The following NECTIN3 variants were observed in gnomAD, a reference collection of about 807,000 sequenced individuals.
The protein encoded by NECTIN3 is nectin-3.
NECTIN3 carries 8 observed loss-of-function variants against 49.4 expected under a neutral mutation model. The observed-to-expected ratio is 0.16, with a 90% CI of 0.10 to 0.29. NECTIN3 has a LOEUF of 0.29. Ranked by LOEUF, NECTIN3 falls within the 10% of genes least tolerant of loss-of-function variation. The pLI is 1.00. For synonymous variants in NECTIN3, 277 were observed against 241.1 expected (o/e 1.15, Z -1.38); for missense variants, 581 against 654.6 (o/e 0.89, Z 1.23).
At chr3:111,086,351 A>G (rs566074761) in intron 1 of NECTIN3, among the ~76,000 whole-genome samples, 228 of 152,246 alleles carry the variant, frequency 1.5e-3, no homozygotes, top group Non-Finnish European at 2.5e-3. Flanking sequence ...TTGTTTAGGA[A>G]ATCTTTCTCT....
At chr3:111,144,905 C>T (rs1423156959) in exon 6 of NECTIN3, 12 of 1,533,570 alleles carry the variant, frequency 7.8e-6, no homozygotes, top group Non-Finnish European at 1.0e-5. Context: ...ACAGATGTTC[C>T]ATTTAAGCAG....
chr3:111,099,134 A>G (rs1320481622), intron 1 of NECTIN3, among the ~76,000 whole-genome samples: 3 of 152,158 alleles, frequency 2.0e-5, no homozygotes, highest in African/African-American at 7.2e-5. Context: ...CCTAACATCC[A>G]TCATAAATGC....
chr3:111,133,551 T>G, intron 5 of NECTIN3, 84 bp from the exon 6 acceptor site: 1 of 1,491,150 alleles, frequency 6.7e-7, no homozygotes. Context: ...TTAACTGTGC[T>G]GTCTTGTCAA....
intron 1 of NECTIN3, among the ~76,000 whole-genome samples, chr3:111,101,119 C>T (rs2032881470): frequency 6.6e-6 from 1 of 152,028 alleles, no homozygotes; most frequent in African/African-American, 2.4e-5. Flanking sequence ...ATCAGATACC[C>T]CCTAAGGTCT....
At chr3:111,074,341 G>A in intron 1 of NECTIN3, 1 of 387,984 alleles carries the variant, frequency 2.6e-6, no homozygotes, top group South Asian at 1.9e-5. Context: ...ACAAGGTTTG[G>A]CATGTAATTA....
chr3:111,172,481 G>T (rs2107527348), intron 7 of NECTIN3, among the ~76,000 whole-genome samples: 1 of 152,144 alleles, frequency 6.6e-6, no homozygotes, highest in South Asian at 2.1e-4. Flanking sequence ...CAGAACTTTG[G>T]ATTAACTCAG....
chr3:111,094,027 G>A (rs1333256798), intron 1 of NECTIN3, among the ~76,000 whole-genome samples: 3 of 151,816 alleles, frequency 2.0e-5, no homozygotes, highest in African/African-American at 7.3e-5. Flanking sequence ...GATATAAATT[G>A]TCATTGATTA....
intron 1 of NECTIN3, chr3:111,077,347 A>AAAAAAAAAAAAAG (rs1337718665): frequency 3.9e-6 from 1 of 258,736 alleles, no homozygotes; most frequent in African/African-American, 2.3e-5. Context: ...TTAATGGTAA[A>AAAAAAAAAAAAAG]AAAAAAAAAA....
At chr3:111,192,994 GCTA>G (rs1422885426) in intron 1 of NECTIN3, among the ~76,000 whole-genome samples, 1 of 152,134 alleles carries the variant, frequency 6.6e-6, no homozygotes, top group Non-Finnish European at 1.5e-5. Flanking sequence ...GTATTTAGGA[GCTA>G]CTACTATTCT....
chr3:111,153,811 G>T (rs534846263), intron 7 of NECTIN3, among the ~76,000 whole-genome samples: 26 of 151,738 alleles, frequency 1.7e-4, no homozygotes, highest in Admixed American at 1.5e-3. Flanking sequence ...GTAGTGTTTA[G>T]TTTTTTTTCT....
At chr3:111,144,323 T>A (rs560938827) in intron 5 of NECTIN3, among the ~76,000 whole-genome samples, 73 of 152,096 alleles carry the variant, frequency 4.8e-4, no homozygotes, top group Middle Eastern at 3.4e-3. Flanking sequence ...TTAGTGCACT[T>A]TGTATTAAAT....
intron 7 of NECTIN3, among the ~76,000 whole-genome samples, chr3:111,158,637 G>C (rs182895936): frequency 1.3e-5 from 2 of 152,190 alleles, no homozygotes; most frequent in East Asian, 3.9e-4. Flanking sequence ...ATTTCCCATT[G>C]AGATATGAAC....
chr3:111,128,536 C>G (rs2034260940), intron 5 of NECTIN3, among the ~76,000 whole-genome samples: 1 of 152,008 alleles, frequency 6.6e-6, no homozygotes, highest in Admixed American at 6.6e-5. Flanking sequence ...ATATTCAAAA[C>G]CAAGGTCTTG....
chr3:111,146,378 G>A (rs1576161292), intron 6 of NECTIN3, among the ~76,000 whole-genome samples: 1 of 148,666 alleles, frequency 6.7e-6, no homozygotes, highest in Middle Eastern at 3.5e-3. Flanking sequence ...AGCTTGCAGT[G>A]AGCGGAGATC....
At chr3:111,128,451 T>C (rs568156465) in intron 5 of NECTIN3, among the ~76,000 whole-genome samples, 4 of 152,340 alleles carry the variant, frequency 2.6e-5, no homozygotes, top group Non-Finnish European at 4.4e-5. Flanking sequence ...TTCAGTACTC[T>C]TGACTTGTGT....
At chr3:111,072,732 C>G (rs1367435425) in intron 1 of NECTIN3, 1 of 711,852 alleles carries the variant, frequency 1.4e-6, no homozygotes, top group South Asian at 1.9e-5. Flanking sequence ...CGGCTCTGCC[C>G]TGACAGCTTC....
chr3:111,093,680 C>T (rs2032410473), intron 1 of NECTIN3, among the ~76,000 whole-genome samples: 1 of 152,162 alleles, frequency 6.6e-6, no homozygotes, highest in Non-Finnish European at 1.5e-5. Context: ...AGGTGATCCG[C>T]CTGCCTGAGC....
At chr3:111,181,177 A>G (rs1341030450) in intron 7 of NECTIN3, among the ~76,000 whole-genome samples, 1 of 152,172 alleles carries the variant, frequency 6.6e-6, no homozygotes, top group Admixed American at 6.5e-5. Flanking sequence ...GTCACAATAT[A>G]TTAGTTATGC....
downstream of NECTIN3, among the ~76,000 whole-genome samples, chr3:111,139,019 A>G (rs1433288375): frequency 6.6e-6 from 1 of 151,732 alleles, no homozygotes; most frequent in African/African-American, 2.4e-5. Flanking sequence ...ATAGGACAGA[A>G]TAATGAAATG....
Sources: gnomAD v4.1 joint callset for allele counts (sites outside exome capture counted in the v4.1 genomes callset) on GRCh38, gnomAD v4.1.1 for gene constraint, MANE v1.5 for transcripts, NCBI Gene and HGNC (gene_info 2026-07-23, HGNC 2026-07-21) for gene names.